M1AP: variants seen among roughly 807,000 people sequenced by gnomAD.
M1AP encodes the protein meiosis 1 arrest protein.
A neutral mutation model predicts 51.2 loss-of-function variants in M1AP; 39 were observed. That is an observed-to-expected ratio of 0.76 (90% CI 0.59 to 1.00). The LOEUF (loss-of-function observed/expected upper bound fraction) is 1.00, where lower values mean the gene tolerates loss of function less well. Among genes scored for constraint, M1AP ranks in the 50% least tolerant of loss-of-function variants. M1AP has a pLI of 0.00. For missense variants in M1AP, 545 were observed against 641.2 expected, an observed-to-expected ratio of 0.85 and a Z score of 1.62; for synonymous variants, 251 against 249.2, an observed-to-expected ratio of 1.01 and a Z score of -0.07.
chr2:74,594,133 A>T (rs1680194568), intron 4 of M1AP, among the ~76,000 whole-genome samples: 2 of 152,238 alleles, frequency 1.3e-5, no homozygotes, highest in Admixed American at 1.3e-4. Flanking sequence ...TTGCAGTTTG[A>T]GTTTAACAAA....
chr2:74,566,902 G>C (rs1483561946), intron 7 of M1AP, among the ~76,000 whole-genome samples: 4 of 152,130 alleles, frequency 2.6e-5, no homozygotes, highest in Non-Finnish European at 4.4e-5. Flanking sequence ...GTAAAGCTCT[G>C]GAATGTGTCT....
intron 2 of M1AP, among the ~76,000 whole-genome samples, chr2:74,627,306 A>T (rs1195435405): frequency 3.3e-5 from 5 of 152,116 alleles, no homozygotes; most frequent in Non-Finnish European, 2.9e-5. Context: ...TATAACTTTT[A>T]ACTTGTTGCT....
At chr2:74,581,877 C>T (rs377226353) in intron 4 of M1AP, 30 bp from the exon 5 acceptor site, 3 of 1,574,542 alleles carry the variant, frequency 1.9e-6, no homozygotes, top group African/African-American at 1.4e-5. Flanking sequence ...AAAGTGTTCA[C>T]TTAGATTGTA....
chr2:74,563,788 T>A (rs1036905217), intron 7 of M1AP, among the ~76,000 whole-genome samples: 1 of 152,076 alleles, frequency 6.6e-6, no homozygotes, highest in African/African-American at 2.4e-5. Context: ...GCCATGGTGA[T>A]GGCAGAGGTT....
intron 2 of M1AP, among the ~76,000 whole-genome samples, chr2:74,629,931 G>C (rs1682607886): frequency 6.6e-6 from 1 of 150,598 alleles, no homozygotes; most frequent in South Asian, 2.1e-4. Context: ...TTGGATAAGA[G>C]ATTCACAACT....
At chr2:74,604,241 C>T (rs1270548356) in intron 4 of M1AP, among the ~76,000 whole-genome samples, 2 of 152,142 alleles carry the variant, frequency 1.3e-5, no homozygotes. Flanking sequence ...AAAAGTTGGG[C>T]ATATCTTGCT....
chr2:74,618,199 A>G (rs1014701102), intron 2 of M1AP, among the ~76,000 whole-genome samples: 8 of 152,208 alleles, frequency 5.3e-5, no homozygotes, highest in Admixed American at 1.3e-4. Context: ...ATGATCACAG[A>G]TGTAATCAGC....
intron 7 of M1AP, among the ~76,000 whole-genome samples, chr2:74,573,107 C>A (rs925051779): frequency 6.8e-6 from 1 of 147,962 alleles, no homozygotes; most frequent in African/African-American, 2.5e-5. Flanking sequence ...AGTGCAGTGG[C>A]ACGATTTCGG....
chr2:74,643,272 T>C (rs1057220644), intron 1 of M1AP, among the ~76,000 whole-genome samples: 2 of 152,122 alleles, frequency 1.3e-5, no homozygotes, highest in South Asian at 2.1e-4. Context: ...TAAATCATAG[T>C]ATATTTCCAC....
intron 5 of M1AP, among the ~76,000 whole-genome samples, chr2:74,580,616 AG>A (rs1679346949): frequency 6.6e-6 from 1 of 152,202 alleles, no homozygotes; most frequent in African/African-American, 2.4e-5. Flanking sequence ...GGTCATAAAG[AG>A]TTCTATTACA....
chr2:74,568,591 G>A (rs193018903), intron 7 of M1AP, among the ~76,000 whole-genome samples: 39 of 152,346 alleles, frequency 2.6e-4, no homozygotes, highest in African/African-American at 8.7e-4. Flanking sequence ...TGGAGACTTG[G>A]TGGTGGGAAG....
intron 1 of M1AP, among the ~76,000 whole-genome samples, chr2:74,641,171 TA>T (rs1405268102): frequency 1.3e-5 from 2 of 152,238 alleles, no homozygotes; most frequent in Non-Finnish European, 1.5e-5. Flanking sequence ...TGTCATTACT[TA>T]ATTGTTAGCC....
intron 2 of M1AP, among the ~76,000 whole-genome samples, chr2:74,634,778 A>C (rs931352326): frequency 6.6e-6 from 1 of 152,152 alleles, no homozygotes; most frequent in African/African-American, 2.4e-5. Context: ...TAGCCTTTTA[A>C]TATGGTATAC....
At chr2:74,567,140 T>C (rs564423516) in intron 7 of M1AP, among the ~76,000 whole-genome samples, 1 of 152,344 alleles carries the variant, frequency 6.6e-6, no homozygotes, top group East Asian at 1.9e-4. Flanking sequence ...ATTTTATTTA[T>C]ATATTTATTT....
At chr2:74,564,486 A>T (rs1422119207) in intron 7 of M1AP, among the ~76,000 whole-genome samples, 2 of 152,206 alleles carry the variant, frequency 1.3e-5, no homozygotes, top group African/African-American at 4.8e-5. Flanking sequence ...GGGCATGGGA[A>T]AATTAGTCAT....
At chr2:74,625,483 A>AT (rs1211279857) in intron 2 of M1AP, among the ~76,000 whole-genome samples, 2 of 151,958 alleles carry the variant, frequency 1.3e-5, no homozygotes, top group Non-Finnish European at 2.9e-5. Flanking sequence ...CATTCCTATT[A>AT]TTTTCTCCCC....
At chr2:74,588,163 T>C (rs1320307531) in intron 4 of M1AP, among the ~76,000 whole-genome samples, 1 of 152,214 alleles carries the variant, frequency 6.6e-6, no homozygotes, top group Non-Finnish European at 1.5e-5. Flanking sequence ...ATGACATTCA[T>C]GAGGCCTGTA....
At position 74,607,930 on chromosome 2, in the gene M1AP, T is replaced by C. The variant is rs748054960; in HGVS notation, c.427-707A>G. 3.9e-5 allele frequency among the ~76,000 whole-genome samples: 6 copies of C among 152,262 alleles called. No homozygotes were observed. The East Asian group carries it at 5.8e-4, about 15-fold the overall frequency. ...ATTATTATTATTATTTTAAAAGACA[T>C]TATTTTTTAGGGAAGTTTTAGGTTC... On this transcript the variant is annotated intron_variant, in intron 3 of 10. Transcript: ENST00000421985.
chr2:74,625,200 T>C (rs1200689423), intron 2 of M1AP, among the ~76,000 whole-genome samples: 2 of 152,212 alleles, frequency 1.3e-5, no homozygotes, highest in Non-Finnish European at 2.9e-5. Context: ...TGTCTCAATG[T>C]CATTTATATT....
Sources: allele counts gnomAD v4.1 joint callset (sites outside exome capture counted in the v4.1 genomes callset), GRCh38; gene constraint gnomAD v4.1.1; transcripts MANE v1.5; gene names NCBI Gene and HGNC (gene_info 2026-07-23, HGNC 2026-07-21).